Variants in CIMIP7 observed in about 807,000 individuals in gnomAD.
CIMIP7 encodes the protein uncharacterized protein C3orf84.
At chr3:49,182,108 A>G in the CIMIP7 span, among the ~76,000 whole-genome samples, 2 of 152,124 alleles carry the variant, frequency 1.3e-5, no homozygotes, top group Non-Finnish European at 2.9e-5. Flanking sequence ...GAGTGTTACA[A>G]CTCATAAAGG....
At chr3:49,183,507 C>A in the CIMIP7 span, among the ~76,000 whole-genome samples, 2 of 152,154 alleles carry the variant, frequency 1.3e-5, no homozygotes, top group Non-Finnish European at 2.9e-5. Flanking sequence ...TATGGTGAAA[C>A]CCTGTCTCTA....
chr3:49,189,722 C>T, the CIMIP7 span: 1 of 477,382 alleles, frequency 2.1e-6, no homozygotes, highest in Non-Finnish European at 4.0e-6. Context: ...AGGTAGTTGT[C>T]AGCAAAACTC....
chr3:49,188,585 T>A, the CIMIP7 span, among the ~76,000 whole-genome samples: 1 of 152,134 alleles, frequency 6.6e-6, no homozygotes, highest in Non-Finnish European at 1.5e-5. Flanking sequence ...GTGACCCTTT[T>A]CATACCTTTA....
At chr3:49,191,099 T>C in the CIMIP7 span, among the ~76,000 whole-genome samples, 8 of 152,220 alleles carry the variant, frequency 5.3e-5, no homozygotes, top group Non-Finnish European at 1.2e-4. Flanking sequence ...GGAACTCCTA[T>C]GGCCCAACCT....
At chr3:49,190,139 C>G in the CIMIP7 span, 1 of 1,592,444 alleles carries the variant, frequency 6.3e-7, no homozygotes, top group Non-Finnish European at 8.5e-7. Flanking sequence ...CATTGTTGTG[C>G]TATAACAAGA....
At chr3:49,181,548 C>T in the CIMIP7 span, among the ~76,000 whole-genome samples, 1 of 152,006 alleles carries the variant, frequency 6.6e-6, no homozygotes, top group Non-Finnish European at 1.5e-5. Context: ...GTCCCAGCAA[C>T]TAGGAAAGCT....
chr3:49,177,814 A>C, the CIMIP7 span: 104 of 1,612,632 alleles, frequency 6.4e-5, no homozygotes, highest in Non-Finnish European at 8.1e-5. Context: ...TGGGCAGCAG[A>C]AGTTCTGCTG....
chr3:49,187,237 A>G, the CIMIP7 span, among the ~76,000 whole-genome samples: 4 of 152,190 alleles, frequency 2.6e-5, no homozygotes, highest in Admixed American at 1.3e-4. Flanking sequence ...GATCACTAGC[A>G]TCTTTGTTTC....
chr3:49,184,241 C>G, the CIMIP7 span, among the ~76,000 whole-genome samples: 1 of 152,248 alleles, frequency 6.6e-6, no homozygotes, highest in East Asian at 1.9e-4. Context: ...TCAAGCAATC[C>G]TCTTGCCTTG....
the CIMIP7 span, among the ~76,000 whole-genome samples, chr3:49,179,050 C>T: frequency 6.6e-6 from 1 of 152,180 alleles, no homozygotes; most frequent in South Asian, 2.1e-4. Context: ...AATTGAGCAT[C>T]TCCAAACATA....
At chr3:49,183,550 C>T in the CIMIP7 span, among the ~76,000 whole-genome samples, 1 of 152,100 alleles carries the variant, frequency 6.6e-6, no homozygotes, top group Non-Finnish European at 1.5e-5. Flanking sequence ...GGCATGGTGG[C>T]ACACACCTGT....
At chr3:49,187,435 A>G in the CIMIP7 span, among the ~76,000 whole-genome samples, 1 of 152,082 alleles carries the variant, frequency 6.6e-6, no homozygotes, top group Non-Finnish European at 1.5e-5. Context: ...CTAAGAGAGG[A>G]AGCTCCTTGG....
chr3:49,178,156 C>T, the CIMIP7 span: 26 of 1,098,506 alleles, frequency 2.4e-5, no homozygotes, highest in Non-Finnish European at 2.9e-5. Context: ...CTATGCCTGG[C>T]TGTCTTGGCC....
the CIMIP7 span, among the ~76,000 whole-genome samples, chr3:49,180,576 G>A: frequency 6.6e-6 from 1 of 152,140 alleles, no homozygotes; most frequent in Non-Finnish European, 1.5e-5. Context: ...AAAATACAGG[G>A]GCTGGCTCCA....
the CIMIP7 span, among the ~76,000 whole-genome samples, chr3:49,186,154 C>T: frequency 6.6e-6 from 1 of 151,528 alleles, no homozygotes; most frequent in Non-Finnish European, 1.5e-5. Flanking sequence ...GCATGCACCA[C>T]CACCCTGGCT....
the CIMIP7 span, chr3:49,190,189 A>C: frequency 4.4e-6 from 6 of 1,350,912 alleles, no homozygotes; most frequent in African/African-American, 1.4e-5. Flanking sequence ...TCCACCATGG[A>C]TCCTAGACCT....
At chr3:49,186,246 G>A in the CIMIP7 span, among the ~76,000 whole-genome samples, 6 of 151,854 alleles carry the variant, frequency 4.0e-5, no homozygotes, top group African/African-American at 1.2e-4. Flanking sequence ...TGATACACCC[G>A]CCTTGGCCTC....
At chr3:49,179,867 G>T in the CIMIP7 span, among the ~76,000 whole-genome samples, 8 of 152,224 alleles carry the variant, frequency 5.3e-5, no homozygotes, top group Non-Finnish European at 4.4e-5. Context: ...GCTGGGCACG[G>T]TGGCTCACAC....
the CIMIP7 span, among the ~76,000 whole-genome samples, chr3:49,183,347 G>GT: frequency 1.3e-5 from 2 of 152,210 alleles, no homozygotes; most frequent in Non-Finnish European, 2.9e-5. Flanking sequence ...AATATAAAGT[G>GT]GTAAAGCCAC....
Sources: gnomAD v4.1 joint callset for allele counts (sites outside exome capture counted in the v4.1 genomes callset) on GRCh38, gnomAD v4.1.1 for gene constraint, MANE v1.5 for transcripts, NCBI Gene and HGNC (gene_info 2026-07-23, HGNC 2026-07-21) for gene names.